Variants in PTPRE observed in about 807,000 individuals in gnomAD.
PTPRE encodes protein tyrosine phosphatase receptor type E.
PTPRE carries 51 observed loss-of-function variants against 102.0 expected under a neutral mutation model. The ratio of observed to expected loss-of-function variants is 0.50; its 90% confidence interval spans 0.40 to 0.63. The LOEUF (loss-of-function observed/expected upper bound fraction) is 0.63. Among genes scored for constraint, PTPRE ranks in the 30% least tolerant of loss-of-function variants. The pLI is 0.00. For synonymous variants in PTPRE, 345 were observed against 348.2 expected, an observed-to-expected ratio of 0.99 and a Z score of 0.10; for missense variants, 752 against 915.1, an observed-to-expected ratio of 0.82 and a Z score of 2.30.
At chr10:127,973,328 T>C (rs950404362) in intron 1 of PTPRE, among the ~76,000 whole-genome samples, 1 of 152,214 alleles carries the variant, frequency 6.6e-6, no homozygotes, top group Non-Finnish European at 1.5e-5. Flanking sequence ...TATTATGAGC[T>C]CTATTTTAAA....
At chr10:128,072,072 C>A (rs1185781643) in intron 15 of PTPRE, 66 bp from the exon 16 acceptor site, 5 of 1,358,404 alleles carry the variant, frequency 3.7e-6, no homozygotes, top group Non-Finnish European at 5.2e-6. Context: ...AAGCTTGTAG[C>A]AATGGATTAA....
rs368859770 is a variant in PTPRE at position 127,941,759 on chromosome 10, C to G, written c.-31+34450C>G. Among the ~76,000 whole-genome samples the G allele has an allele frequency of 1.9e-3, 285 of 152,090 alleles. 6 individuals are homozygous for G. The South Asian group carries it at 0.056, about 30-fold the overall frequency. ...TGCTCTTTCTACAATACAACTCCCA[C>G]CCCCTCCATCTCACTAAAGCTCCCA... On this transcript the variant is annotated intron_variant, in intron 1 of 20. Transcript: ENST00000254667.
rs147174284 is a variant in PTPRE, at chr10:128,072,164, A to G, written c.1414A>G (p.Met472Val). The part of the protein sequence containing the change: ...PYDFNRVILS[M>V]KRGQEYTDYI... ...TGACTTCAACCGAGTGATCCTTTCC[A>G]TGAAAAGGGGTCAAGAATACACAGA... The change falls in exon 16 of 21, where the codon ATG becomes GTG. Residue 472 changes from methionine to valine, a missense_variant. By Grantham distance (21) the Met-to-Val change is conservative. This residue lies in a region of PTPRE where 636 missense variants were observed against 824.4 expected (regional missense o/e 0.77). Transcript: ENST00000254667. 148 of 1,614,084 alleles carry G rather than the reference A, an allele frequency of 9.2e-5. No homozygotes were observed. The African/African-American group carries it at 1.7e-3, about 18-fold the overall frequency.
intron 1 of PTPRE, among the ~76,000 whole-genome samples, chr10:127,981,157 T>C (rs1032037968): frequency 1.3e-5 from 2 of 152,162 alleles, no homozygotes; most frequent in African/African-American, 2.4e-5. Context: ...CATGCTACAA[T>C]AGGGATAAAT....
Position 128,047,791 on chromosome 10 carries a change from C to T in PTPRE, c.237C>T (p.Val79=). 1.2e-6 allele frequency: 2 copies of T among 1,607,218 alleles called. No homozygotes were observed. Among genetic ancestry groups the T allele is most frequent in the Non-Finnish European group, 1.7e-6 (2 of 1,174,332 alleles). The change falls in exon 5 of 21, where the codon GTC becomes GTT. Residue 79 remains valine (V), a synonymous_variant. Coordinates refer to ENST00000254667, the MANE Select transcript of PTPRE (RefSeq NM_006504.6). ...FRFRKQRKAV[V]STSDKKMPNG... is the part of the protein sequence containing the mutation. ...TCAGGAAGCAGAGGAAAGCTGTGGT[C>T]AGCACCAGCGACAAGAAGATGCCCA...
At chr10:127,910,301 C>T (rs181098907) in intron 1 of PTPRE, among the ~76,000 whole-genome samples, 11 of 152,296 alleles carry the variant, frequency 7.2e-5, no homozygotes, top group Admixed American at 5.9e-4. Flanking sequence ...GCCTCCTTCC[C>T]CTTTATTTCC....
intron 2 of PTPRE, among the ~76,000 whole-genome samples, chr10:128,011,408 A>T (rs954215376): frequency 6.6e-6 from 1 of 152,202 alleles, no homozygotes; most frequent in Admixed American, 6.5e-5. Flanking sequence ...GGTTGAGGTG[A>T]CTGGGGGACC....
chr10:127,937,971 A>G lies in PTPRE; in HGVS notation c.-31+30662A>G, dbSNP rs190794002. 3.9e-5 allele frequency among the ~76,000 whole-genome samples: 6 copies of G among 152,320 alleles called. No homozygotes were observed. The East Asian group carries it at 7.7e-4, about 20-fold the overall frequency. Reference sequence around the variant, plus strand: ...TGGATATATTCATAAAGGTGTAAGAATAATTCAAGTAGGTAACGCTCTCTC... The same window carrying G: ...TGGATATATTCATAAAGGTGTAAGAGTAATTCAAGTAGGTAACGCTCTCTC... On this transcript the variant is annotated intron_variant, in intron 1 of 20. Transcript: ENST00000254667.
At position 127,944,500 on chromosome 10, in the gene PTPRE, A is replaced by ATGAATGGATGGATGGATAAG. The variant is rs1848486702; in HGVS notation, c.-31+37193_-31+37194insAATGGATGGATGGATAAGTG. 6.8e-6 allele frequency among the ~76,000 whole-genome samples: 1 copy of ATGAATGGATGGATGGATAAG among 146,022 alleles called. No individual in the cohort carries two copies. Among genetic ancestry groups the ATGAATGGATGGATGGATAAG allele is most frequent in the Non-Finnish European group, 1.5e-5 (1 of 66,614 alleles). ...GATGGATGGATGGATGGATGGATGG[A>ATGAATGGATGGATGGATAAG]TGGATGGATGGATGGGTGGATGGAT... On this transcript the variant is annotated intron_variant, in intron 1 of 20. Transcript: ENST00000254667. This position sits in a 1 kb window ranked among gnomAD's most constrained non-coding sequence, Gnocchi z 4.2.
At chr10:128,019,587 C>T (rs1156653587) in intron 2 of PTPRE, among the ~76,000 whole-genome samples, 1 of 152,190 alleles carries the variant, frequency 6.6e-6, no homozygotes, top group East Asian at 1.9e-4. Flanking sequence ...ACCCTGAACA[C>T]GGGTTTGCCA....
At chr10:128,053,233 A>C (rs1245705819) in intron 6 of PTPRE, among the ~76,000 whole-genome samples, 4 of 152,230 alleles carry the variant, frequency 2.6e-5, no homozygotes, top group Admixed American at 2.0e-4. Flanking sequence ...CCTAGGTAAC[A>C]GAGTGAGACC....
intron 7 of PTPRE, among the ~76,000 whole-genome samples, chr10:128,060,386 G>A (rs984297893): frequency 7.9e-5 from 12 of 152,268 alleles, no homozygotes; most frequent in East Asian, 3.9e-4. Flanking sequence ...CACTGTGCTC[G>A]CCTTCCAGCT....
rs184164535 is a variant in PTPRE at position 127,946,535 on chromosome 10, C to T, written c.-30-35739C>T. Among the ~76,000 whole-genome samples the T allele has an allele frequency of 2.0e-3, 225 of 113,272 alleles. 18 individuals carry two copies. Among genetic ancestry groups the T allele is most frequent in the East Asian group, 1.7e-3 (5 of 2,966 alleles). 74.3% of individuals were successfully genotyped at this position (113,272 alleles called of 152,430 possible). A position where few individuals can be genotyped will look rare whatever the true frequency, so the allele number is the denominator to read the frequency against. On this transcript the variant is annotated intron_variant, in intron 1 of 20. Transcript: ENST00000254667. ...CCCCTGGGAGATATTCATCAGACCT[C>T]GCAGGCTGGCAGGGAGGGATTTCCA... is the stretch of plus-strand genomic sequence containing the variant.
In PTPRE at chr10:127,944,375, G is replaced by A. The variant is rs1400356488; in HGVS notation, c.-31+37066G>A. The stretch of plus-strand genomic sequence containing the variant: ...TGGATGGATGGACGATGGACAGATG[G>A]ATGGATATGTGGATGGATGGATGGA... On this transcript the variant is annotated intron_variant, in intron 1 of 20. Transcript: ENST00000254667. This position sits in a 1 kb window ranked among gnomAD's most constrained non-coding sequence, Gnocchi z 4.2. Among the ~76,000 whole-genome samples, 1 of 152,042 alleles carries A rather than the reference G, an allele frequency of 6.6e-6. No homozygotes were observed. Among genetic ancestry groups the A allele is most frequent in the Non-Finnish European group, 1.5e-5 (1 of 67,982 alleles).
chr10:127,955,008 C>T (rs1849294226), intron 1 of PTPRE, among the ~76,000 whole-genome samples: 1 of 151,800 alleles, frequency 6.6e-6, no homozygotes, highest in South Asian at 2.1e-4. Flanking sequence ...ACAGGCTAAG[C>T]AGGGAGTTAC....
chr10:128,072,353 T>A (rs1035383856), intron 16 of PTPRE, 139 bp downstream of exon 16: 2 of 811,036 alleles, frequency 2.5e-6, no homozygotes, highest in African/African-American at 3.7e-5. Flanking sequence ...GCAGAATTAC[T>A]TGCTTAAAAA....
At chr10:127,927,189 A>AC (rs368903348) in intron 1 of PTPRE, among the ~76,000 whole-genome samples, 304 of 151,046 alleles carry the variant, frequency 2.0e-3, no homozygotes, top group African/African-American at 7.1e-3. Flanking sequence ...GATGCCCCCC[A>AC]CCCCCCCGGG....
intron 1 of PTPRE, among the ~76,000 whole-genome samples, chr10:127,962,197 G>A (rs568448720): frequency 3.3e-5 from 5 of 152,310 alleles, no homozygotes; most frequent in Non-Finnish European, 7.4e-5. Context: ...GGAAGAGGCT[G>A]CAGAGGTCCC....
chr10:128,002,985 T>G (rs896731948), intron 2 of PTPRE, among the ~76,000 whole-genome samples: 3 of 152,220 alleles, frequency 2.0e-5, no homozygotes, highest in Non-Finnish European at 4.4e-5. Context: ...TGAGCCACTG[T>G]GCCTGGCCTG....
Sources: allele counts gnomAD v4.1 joint callset (sites outside exome capture counted in the v4.1 genomes callset), GRCh38; gene constraint gnomAD v4.1.1; regional missense constraint gnomAD v4.1.1; non-coding constraint Gnocchi (gnomAD v3.1); transcripts MANE v1.5; gene names NCBI Gene and HGNC (gene_info 2026-07-23, HGNC 2026-07-21).